The following SCHIP1 variants were observed in gnomAD, a reference collection of about 807,000 sequenced individuals.
SCHIP1 encodes schwannomin interacting protein 1.
SCHIP1 carries 8 observed loss-of-function variants against 29.7 expected under a neutral mutation model. The observed-to-expected ratio is 0.27, with a 90% CI of 0.16 to 0.49. The LOEUF is 0.49. Ranked by LOEUF, SCHIP1 falls within the 20% of genes least tolerant of loss-of-function variation. SCHIP1 has a pLI of 0.99. For missense variants in SCHIP1, 193 were observed against 294.6 expected (o/e 0.66, Z 2.52); for synonymous variants, 76 against 94.9 (o/e 0.80, Z 1.16).
chr3:159,761,033 T>C, the SCHIP1 span, among the ~76,000 whole-genome samples: 2 of 152,188 alleles, frequency 1.3e-5, no homozygotes, highest in African/African-American at 4.8e-5. Flanking sequence ...GAAGTAACAT[T>C]TAAGCTGAGA....
At chr3:159,297,674 C>T in the SCHIP1 span, among the ~76,000 whole-genome samples, 2 of 152,154 alleles carry the variant, frequency 1.3e-5, no homozygotes, top group Non-Finnish European at 2.9e-5. Context: ...AAGTTTGCTT[C>T]TATATTTCAG....
At chr3:159,705,350 A>G in the SCHIP1 span, among the ~76,000 whole-genome samples, 1 of 152,082 alleles carries the variant, frequency 6.6e-6, no homozygotes, top group East Asian at 1.9e-4. Flanking sequence ...GGAAAGTAGG[A>G]TGGTTAAATT....
At chr3:159,821,204 G>A in the SCHIP1 span, among the ~76,000 whole-genome samples, 2 of 152,192 alleles carry the variant, frequency 1.3e-5, no homozygotes, top group South Asian at 4.2e-4. Flanking sequence ...GGTGTAGCAT[G>A]GTGAAGACAA....
the SCHIP1 span, among the ~76,000 whole-genome samples, chr3:159,298,612 T>G: frequency 6.6e-6 from 1 of 152,186 alleles, no homozygotes; most frequent in South Asian, 2.1e-4. Context: ...ACTCTTGTAT[T>G]GCCTGCAGAG....
the SCHIP1 span, among the ~76,000 whole-genome samples, chr3:159,278,471 G>T: frequency 6.6e-6 from 1 of 152,074 alleles, no homozygotes; most frequent in Admixed American, 6.6e-5. Context: ...GCATAAAAAA[G>T]AAATGAAAAA....
the SCHIP1 span, among the ~76,000 whole-genome samples, chr3:159,632,660 T>A: frequency 6.6e-6 from 1 of 152,114 alleles, no homozygotes; most frequent in African/African-American, 2.4e-5. Flanking sequence ...TGCCATGGAA[T>A]TGGATCATCA....
At chr3:159,344,374 G>A in the SCHIP1 span, among the ~76,000 whole-genome samples, 36,164 of 150,720 alleles carry the variant, frequency 0.24, 4,661 homozygotes, top group African/African-American at 0.33. Flanking sequence ...CCATTCCCCA[G>A]TAAAGGAGAA....
chr3:159,695,701 T>G, the SCHIP1 span, among the ~76,000 whole-genome samples: 1 of 152,216 alleles, frequency 6.6e-6, no homozygotes. Context: ...GAGGATCTAG[T>G]CACTATTTGT....
chr3:159,546,159 A>G, the SCHIP1 span, among the ~76,000 whole-genome samples: 1 of 152,114 alleles, frequency 6.6e-6, no homozygotes, highest in African/African-American at 2.4e-5. Flanking sequence ...TTATACAACC[A>G]TATTATCTGT....
chr3:159,355,824 T>C, the SCHIP1 span, among the ~76,000 whole-genome samples: 1 of 152,158 alleles, frequency 6.6e-6, no homozygotes, highest in African/African-American at 2.4e-5. Context: ...TAAACTCTAG[T>C]GAGTTAGGAT....
At chr3:159,417,933 AAGCCTGCCAAC>A in the SCHIP1 span, among the ~76,000 whole-genome samples, 22 of 152,104 alleles carry the variant, frequency 1.4e-4, no homozygotes, top group Non-Finnish European at 2.9e-4. Context: ...CCCACACCAA[AAGCCTGCCAAC>A]AGCCTGCCAA....
At chr3:159,477,369 C>A in the SCHIP1 span, among the ~76,000 whole-genome samples, 5 of 152,090 alleles carry the variant, frequency 3.3e-5, no homozygotes, top group African/African-American at 4.8e-5. Context: ...TATCATTTTC[C>A]ATAATAGCTG....
the SCHIP1 span, among the ~76,000 whole-genome samples, chr3:159,625,114 G>T: frequency 1.1e-4 from 17 of 152,208 alleles, no homozygotes; most frequent in Non-Finnish European, 2.4e-4. Context: ...CCTTGGGTCT[G>T]TGGAACCAGG....
the SCHIP1 span, among the ~76,000 whole-genome samples, chr3:159,597,042 A>G: frequency 3.8e-3 from 577 of 152,102 alleles, 5 homozygotes; most frequent in African/African-American, 0.014. Context: ...TTAAATCTTG[A>G]TAAGTCATTT....
the SCHIP1 span, among the ~76,000 whole-genome samples, chr3:159,795,780 T>C: frequency 1.3e-5 from 2 of 152,054 alleles, no homozygotes; most frequent in African/African-American, 4.8e-5. Flanking sequence ...GTGTGTAAAA[T>C]TATGGAGACA....
intron 6 of SCHIP1, among the ~76,000 whole-genome samples, chr3:159,896,261 T>C (rs1718055084): frequency 6.6e-6 from 1 of 152,244 alleles, no homozygotes; most frequent in Non-Finnish European, 1.5e-5. Flanking sequence ...CATAATACCA[T>C]GTTTCGACTT....
chr3:159,886,275 C>T, exon 3 of SCHIP1: 1 of 1,614,146 alleles, frequency 6.2e-7, no homozygotes, highest in Non-Finnish European at 8.5e-7. Flanking sequence ...GACAGTGATG[C>T]TGATGACAGT....
the SCHIP1 span, among the ~76,000 whole-genome samples, chr3:159,342,406 A>G: frequency 6.6e-6 from 1 of 152,226 alleles, no homozygotes; most frequent in African/African-American, 2.4e-5. Flanking sequence ...AGAAATTGTT[A>G]CAGCAAATTT....
the SCHIP1 span, among the ~76,000 whole-genome samples, chr3:159,591,687 A>T: frequency 6.6e-6 from 1 of 152,138 alleles, no homozygotes; most frequent in Admixed American, 6.5e-5. Context: ...CAAACACCAC[A>T]TGTTCTCACT....
Sources: gnomAD v4.1 joint callset for allele counts (sites outside exome capture counted in the v4.1 genomes callset) on GRCh38, gnomAD v4.1.1 for gene constraint, MANE v1.5 for transcripts, NCBI Gene and HGNC (gene_info 2026-07-23, HGNC 2026-07-21) for gene names.